Variants in FOCAD observed in about 807,000 individuals in gnomAD.
FOCAD encodes focadhesin, also known as KIAA1797.
FOCAD carries 198 observed loss-of-function variants against 225.6 expected under a neutral mutation model. That is an observed-to-expected ratio of 0.88 (90% CI 0.78 to 0.99). The LOEUF is 0.99. Among genes scored for constraint, FOCAD ranks in the 50% least tolerant of loss-of-function variants. FOCAD has a pLI of 0.00. For missense variants in FOCAD, 2,713 were observed against 2,123.6 expected (o/e 1.28, Z -5.46); for synonymous variants, 897 against 755.0 (o/e 1.19, Z -3.08).
chr9:20,885,345 T>C (rs577845559), intron 21 of FOCAD, 115 bp downstream of exon 21: 1 of 1,080,272 alleles, frequency 9.3e-7, no homozygotes, highest in South Asian at 3.7e-5. Context: ...AAGTTGCTTT[T>C]AAAGGCCACC....
intron 12 of FOCAD, 141 bp from the exon 13 acceptor site, chr9:20,820,183 C>A: frequency 1.7e-6 from 1 of 600,628 alleles, no homozygotes; most frequent in South Asian, 2.5e-5. Context: ...TATTTTTCAT[C>A]CTCTAAGAAG....
chr9:20,737,531 G>A (rs1467388162), intron 4 of FOCAD, among the ~76,000 whole-genome samples: 1 of 152,170 alleles, frequency 6.6e-6, no homozygotes, highest in African/African-American at 2.4e-5. Context: ...TTCTTCAGTG[G>A]TATATAAATA....
At chr9:20,809,672 G>C (rs1822842955) in intron 11 of FOCAD, among the ~76,000 whole-genome samples, 1 of 152,032 alleles carries the variant, frequency 6.6e-6, no homozygotes, top group African/African-American at 2.4e-5. Context: ...AATCTTTAAA[G>C]TTGAGTTCAA....
At chr9:20,873,077 G>A (rs893196852) in intron 18 of FOCAD, among the ~76,000 whole-genome samples, 14 of 152,002 alleles carry the variant, frequency 9.2e-5, no homozygotes, top group Non-Finnish European at 1.5e-4. Context: ...ATTGATGAAC[G>A]TTTGGGCTGC....
In FOCAD at chr9:20,766,572, A is replaced by G. The variant is rs1830066008; in HGVS notation, c.699+1499A>G. ...ATTCTTCTCAGAACAAAATGAAATA[A>G]GCTTTTAAAAAAACCCCATCTGTAT... On this transcript the variant is annotated intron_variant, in intron 7 of 43. Transcript: ENST00000338382. Among the ~76,000 whole-genome samples the G allele has an allele frequency of 2.6e-5, 4 of 152,062 alleles. No homozygotes were observed. The South Asian group carries it at 8.3e-4, about 32-fold the overall frequency.
At chr9:20,674,084 G>A (rs1182084859) in intron 2 of FOCAD, among the ~76,000 whole-genome samples, 1 of 152,124 alleles carries the variant, frequency 6.6e-6, no homozygotes, top group Non-Finnish European at 1.5e-5. Flanking sequence ...TGTCACAAGA[G>A]CCAATTGTTA....
intron 2 of FOCAD, among the ~76,000 whole-genome samples, chr9:20,670,738 C>T (rs953312010): frequency 6.6e-6 from 1 of 151,560 alleles, no homozygotes; most frequent in Admixed American, 6.6e-5. Flanking sequence ...TAATAAGGAA[C>T]CGGAAGCTTA....
intron 10 of FOCAD, among the ~76,000 whole-genome samples, chr9:20,785,585 C>G (rs946638994): frequency 6.6e-6 from 1 of 152,140 alleles, no homozygotes; most frequent in Non-Finnish European, 1.5e-5. Context: ...TGCCATGTAG[C>G]AGTGCCTCAT....
At chr9:20,666,641 A>G (rs996470358) in intron 2 of FOCAD, among the ~76,000 whole-genome samples, 2 of 152,216 alleles carry the variant, frequency 1.3e-5, no homozygotes, top group Non-Finnish European at 2.9e-5. Context: ...GAAGTTTCCA[A>G]TTAGAGCTTC....
chr9:20,834,406 C>T (rs538716312), intron 15 of FOCAD, among the ~76,000 whole-genome samples: 5 of 151,864 alleles, frequency 3.3e-5, no homozygotes, highest in Admixed American at 1.3e-4. Flanking sequence ...CGTTTACTTA[C>T]GTAGCAAACC....
intron 39 of FOCAD, among the ~76,000 whole-genome samples, chr9:20,982,909 T>C (rs550067056): frequency 1.3e-5 from 2 of 152,360 alleles, no homozygotes; most frequent in South Asian, 4.1e-4. Context: ...AATCATTTCT[T>C]AGTACAAGTA....
At chr9:20,979,299 C>G (rs535740213) in intron 37 of FOCAD, among the ~76,000 whole-genome samples, 2 of 152,250 alleles carry the variant, frequency 1.3e-5, no homozygotes, top group African/African-American at 4.8e-5. Flanking sequence ...ATCATTTCCT[C>G]AGTCTCTTGG....
At chr9:20,801,948 G>A (rs1821887466) in intron 11 of FOCAD, among the ~76,000 whole-genome samples, 1 of 152,114 alleles carries the variant, frequency 6.6e-6, no homozygotes, top group Non-Finnish European at 1.5e-5. Flanking sequence ...TGAGCACACA[G>A]TGCTTCTACC....
At chr9:20,986,074 TATGGTTTTA>T (rs1306472523) in intron 39 of FOCAD, among the ~76,000 whole-genome samples, 1 of 152,024 alleles carries the variant, frequency 6.6e-6, no homozygotes, top group Non-Finnish European at 1.5e-5. Context: ...TGAACAAATT[TATGGTTTTA>T]ATGAAGGAGC....
chr9:20,861,900 T>A (rs934002127), intron 15 of FOCAD, among the ~76,000 whole-genome samples: 5 of 152,146 alleles, frequency 3.3e-5, no homozygotes, highest in African/African-American at 1.2e-4. Context: ...TGACTACCCA[T>A]AAAACCAGAT....
At chr9:20,925,603 G>T (rs1269200207) in intron 25 of FOCAD, among the ~76,000 whole-genome samples, 1 of 152,190 alleles carries the variant, frequency 6.6e-6, no homozygotes, top group Non-Finnish European at 1.5e-5. Context: ...TGACAGCCTT[G>T]TTTGGTTCAA....
Position 20,705,924 on chromosome 9 carries a change from G to GTTTT in FOCAD, c.-32-9372_-32-9369dup, listed in dbSNP as rs59407171. On this transcript the variant is annotated intron_variant, in intron 1 of 43. Coordinates refer to ENST00000338382, the MANE Select transcript of FOCAD (RefSeq NM_001375567.1). ...CTAGTTAGGCATTATTCAGTTTTAAGTTTTTTTTTTTTTTTTTTTTTTTTT... is the reference window on the plus strand; with the variant it reads ...CTAGTTAGGCATTATTCAGTTTTAAGTTTTTTTTTTTTTTTTTTTTTTTTTTTTT... Among the ~76,000 whole-genome samples, 116 of 106,908 alleles carry GTTTT rather than the reference G, an allele frequency of 1.1e-3. 3 individuals carry two copies. Among genetic ancestry groups the GTTTT allele is most frequent in the African/African-American group, 3.6e-3 (104 of 28,918 alleles). The allele number at this position is 106,908 out of a possible 152,430, so 70.1% of individuals were successfully genotyped here. A position where few individuals can be genotyped will look rare whatever the true frequency, so the allele number is the denominator to read the frequency against.
At position 20,799,208 on chromosome 9, in the gene FOCAD, G is replaced by T. The variant is rs559801309; in HGVS notation, c.1455+9600G>T. Among the ~76,000 whole-genome samples the T allele has an allele frequency of 1.3e-3, 205 of 152,320 alleles. 1 individual carries two copies. The highest frequency in any genetic ancestry group is 4.7e-3 in the African/African-American group (195 of 41,568). On this transcript the variant is annotated intron_variant, in intron 11 of 43. Coordinates refer to ENST00000338382, the MANE Select transcript of FOCAD (RefSeq NM_001375567.1). ...CCAGTTTGATTGCACTGTGGTCTGA[G>T]CGACAGTTTGTTATAATTTGTGTTC...
chr9:20,853,783 A>G (rs1827902986), intron 15 of FOCAD, among the ~76,000 whole-genome samples: 1 of 151,802 alleles, frequency 6.6e-6, no homozygotes, highest in African/African-American at 2.4e-5. Flanking sequence ...AGTCTCAGAC[A>G]TTAAAAGGCT....
Sources: allele counts gnomAD v4.1 joint callset (sites outside exome capture counted in the v4.1 genomes callset), GRCh38; gene constraint gnomAD v4.1.1; transcripts MANE v1.5; gene names NCBI Gene and HGNC (gene_info 2026-07-23, HGNC 2026-07-21).